The following LARP4B variants were observed in gnomAD, a reference collection of about 807,000 sequenced individuals.
LARP4B encodes La ribonucleoprotein 4B.
LARP4B carries 12 observed loss-of-function variants against 89.8 expected under a neutral mutation model. The observed-to-expected ratio is 0.13, with a 90% confidence interval of 0.09 to 0.22. The LOEUF (loss-of-function observed/expected upper bound fraction) is 0.22, where lower values mean the gene tolerates loss of function less well. Ranked by LOEUF, LARP4B falls within the 10% of genes least tolerant of loss-of-function variation. The probability of loss-of-function intolerance (pLI) is 1.00; values close to 1 mark genes in which losing one functional copy is unlikely to be tolerated. For synonymous variants in LARP4B, 367 were observed against 363.3 expected (o/e 1.01, Z -0.12); for missense variants, 757 against 947.7 (o/e 0.80, Z 2.64).
At chr10:909,747 T>C (rs1256655348) in intron 1 of LARP4B, among the ~76,000 whole-genome samples, 3 of 151,706 alleles carry the variant, frequency 2.0e-5, no homozygotes, top group Admixed American at 6.6e-5. Flanking sequence ...ATCGCGCCAC[T>C]GCACTCCAGC....
intron 1 of LARP4B, among the ~76,000 whole-genome samples, chr10:912,887 TTC>T (rs756796615): frequency 2.0e-5 from 3 of 151,978 alleles, no homozygotes; most frequent in Non-Finnish European, 4.4e-5. Flanking sequence ...AAATATGACT[TTC>T]TGACATTTAG....
At chr10:857,094 C>T (rs1008067641) in intron 5 of LARP4B, among the ~76,000 whole-genome samples, 2 of 152,210 alleles carry the variant, frequency 1.3e-5, no homozygotes, top group African/African-American at 4.8e-5. Context: ...CCACCCAGCA[C>T]GTCACAGCTG....
chr10:872,409 CTG>C (rs1835261485), intron 3 of LARP4B, among the ~76,000 whole-genome samples: 1 of 152,236 alleles, frequency 6.6e-6, no homozygotes, highest in Non-Finnish European at 1.5e-5. Context: ...CTTGCAGCTA[CTG>C]TGTCTACCCA....
chr10:831,039 A>G, intron 8 of LARP4B, 62 bp from the exon 9 acceptor site: 2 of 685,186 alleles, frequency 2.9e-6, no homozygotes. Flanking sequence ...TCCTCACCAA[A>G]AATTTTTTTA....
At chr10:974,860 C>T in the LARP4B span, among the ~76,000 whole-genome samples, 3 of 152,338 alleles carry the variant, frequency 2.0e-5, no homozygotes, top group Admixed American at 6.5e-5. Flanking sequence ...GTCACTGTTG[C>T]ACAGACGCTC....
In LARP4B at chr10:857,853, TG is replaced by T. The variant is rs1834389394; in HGVS notation, c.430+5889del. ...CACCACTGAAAATTCTAAATGTCAA[TG>T]GCCAAAAGATGGATCCTTTAAATTA... On this transcript the variant is annotated intron_variant, in intron 5 of 17. Coordinates refer to ENST00000316157, the MANE Select transcript of LARP4B (RefSeq NM_015155.3). 2.6e-5 allele frequency among the ~76,000 whole-genome samples: 4 copies of T among 152,290 alleles called. No individual in the cohort carries two copies. The South Asian group carries it at 8.3e-4, about 32-fold the overall frequency.
chr10:957,434 G>A, the LARP4B span, among the ~76,000 whole-genome samples: 15 of 152,198 alleles, frequency 9.9e-5, no homozygotes, highest in African/African-American at 3.6e-4. Context: ...CCAAAGTGCT[G>A]GGATTACAGG....
chr10:870,415 G>T (rs1312197524), intron 3 of LARP4B, among the ~76,000 whole-genome samples: 1 of 152,172 alleles, frequency 6.6e-6, no homozygotes, highest in African/African-American at 2.4e-5. Flanking sequence ...TGTCCACGGG[G>T]ACAGCGGGAA....
At chr10:820,702 T>C (rs1449775840) in intron 14 of LARP4B, 98 bp downstream of exon 14, 1 of 1,092,348 alleles carries the variant, frequency 9.2e-7, no homozygotes, top group Non-Finnish European at 1.4e-6. Flanking sequence ...GAAATGCTCA[T>C]TCTTGTGCCT....
the LARP4B span, among the ~76,000 whole-genome samples, chr10:956,592 GCCTCGGTAT>G: frequency 6.6e-6 from 1 of 151,986 alleles, no homozygotes; most frequent in African/African-American, 2.4e-5. This position sits in a 1 kb window ranked among gnomAD's most constrained non-coding sequence, Gnocchi z 4.3. Context: ...TGATCCGCCC[GCCTCGGTAT>G]CCTCGGTATC....
intron 13 of LARP4B, among the ~76,000 whole-genome samples, chr10:821,143 C>G (rs1453263373): frequency 2.0e-5 from 3 of 152,204 alleles, no homozygotes; most frequent in Non-Finnish European, 4.4e-5. Context: ...GACATGAGTA[C>G]TGAACATCCA....
chr10:852,084 TAGTA>T (rs2131782551), intron 5 of LARP4B, among the ~76,000 whole-genome samples: 1 of 151,834 alleles, frequency 6.6e-6, no homozygotes, highest in African/African-American at 2.4e-5. Flanking sequence ...TAAGTAAGTT[TAGTA>T]AGTAAGAAAG....
At chr10:910,773 T>C (rs532267249) in intron 1 of LARP4B, among the ~76,000 whole-genome samples, 1 of 152,320 alleles carries the variant, frequency 6.6e-6, no homozygotes, top group South Asian at 2.1e-4. Context: ...CTTTTAAGAT[T>C]GCAGCTGTTT....
intron 1 of LARP4B, among the ~76,000 whole-genome samples, chr10:918,641 A>G (rs977177094): frequency 4.6e-5 from 7 of 151,128 alleles, no homozygotes; most frequent in South Asian, 2.1e-4. Flanking sequence ...TCAAAAAAAA[A>G]AAAAAAAAAA....
the LARP4B span, among the ~76,000 whole-genome samples, chr10:951,923 A>G: frequency 6.7e-6 from 1 of 148,178 alleles, no homozygotes; most frequent in Admixed American, 6.7e-5. Flanking sequence ...AACCAACTGC[A>G]TAACATACAA....
chr10:818,007 A>C, intron 14 of LARP4B, 118 bp from the exon 15 acceptor site: 1 of 1,007,672 alleles, frequency 9.9e-7, no homozygotes, highest in Non-Finnish European at 1.4e-6. Context: ...AACCCAGACA[A>C]GGGCTTCCTC....
chr10:967,903 T>C, the LARP4B span, among the ~76,000 whole-genome samples: 1 of 152,194 alleles, frequency 6.6e-6, no homozygotes. Flanking sequence ...GGTTTCAACA[T>C]GTTGGCCAGG....
chr10:972,326 CCTCT>C, the LARP4B span: 5 of 377,650 alleles, frequency 1.3e-5, no homozygotes, highest in East Asian at 7.0e-5. Flanking sequence ...CCGCACCCAG[CCTCT>C]CTCTGTCTCT....
chr10:837,566 A>G (rs1444773820), intron 7 of LARP4B, among the ~76,000 whole-genome samples: 3 of 152,248 alleles, frequency 2.0e-5, no homozygotes, highest in Non-Finnish European at 4.4e-5. Flanking sequence ...ATAACGTTAC[A>G]GTGATTAAGA....
Sources: gnomAD v4.1 joint callset for allele counts (sites outside exome capture counted in the v4.1 genomes callset) on GRCh38, gnomAD v4.1.1 for gene constraint, Gnocchi (gnomAD v3.1) non-coding constraint, MANE v1.5 for transcripts, NCBI Gene and HGNC (gene_info 2026-07-23, HGNC 2026-07-21) for gene names.